RPAP3: variants seen among roughly 807,000 people sequenced by gnomAD.
The protein encoded by RPAP3 is RNA polymerase II associated protein 3, also known as RNA polymerase II-associated protein 3.
RPAP3 carries 58 observed loss-of-function variants against 88.8 expected under a neutral mutation model. The observed-to-expected ratio is 0.65, with a 90% CI of 0.53 to 0.81. The LOEUF (loss-of-function observed/expected upper bound fraction) is 0.81. RPAP3 is among the 40% of genes least tolerant of loss of function. RPAP3 has a pLI of 0.00. For synonymous variants in RPAP3, 255 were observed against 259.9 expected (o/e 0.98, Z 0.18); for missense variants, 751 against 764.3 (o/e 0.98, Z 0.20).
At chr12:47,691,810 G>C (rs1043858272) in intron 5 of RPAP3, among the ~76,000 whole-genome samples, 1 of 151,428 alleles carries the variant, frequency 6.6e-6, no homozygotes, top group East Asian at 1.9e-4. Context: ...GCAGTGGCAC[G>C]ATCTGGCTCA....
chr12:47,697,501 C>T (rs1228002320), intron 4 of RPAP3, 96 bp downstream of exon 4: 1 of 1,152,930 alleles, frequency 8.7e-7, no homozygotes, highest in Non-Finnish European at 1.2e-6. Flanking sequence ...AAAGTTTAAA[C>T]ACGTACTAAA....
At chr12:47,700,867 A>G (rs1939641175) in intron 3 of RPAP3, among the ~76,000 whole-genome samples, 2 of 152,222 alleles carry the variant, frequency 1.3e-5, no homozygotes, top group Non-Finnish European at 2.9e-5. Context: ...CAGGTCCTTC[A>G]GTTTATGACA....
chr12:47,702,302 T>C (rs963353395), intron 2 of RPAP3, among the ~76,000 whole-genome samples: 3 of 151,996 alleles, frequency 2.0e-5, no homozygotes, highest in African/African-American at 7.3e-5. Flanking sequence ...TCCCAGCACT[T>C]CGGGAGGCCG....
chr12:47,684,965 T>C (rs914091798), intron 9 of RPAP3, among the ~76,000 whole-genome samples: 3 of 152,200 alleles, frequency 2.0e-5, no homozygotes, highest in African/African-American at 7.2e-5. Context: ...GTCTGAGGGA[T>C]GTGGAAACTT....
intron 1 of RPAP3, 88 bp from the exon 2 acceptor site, chr12:47,702,934 TC>T: frequency 2.8e-6 from 3 of 1,057,250 alleles, no homozygotes; most frequent in Non-Finnish European, 4.0e-6. Flanking sequence ...TTTTACCACT[TC>T]ATAAGTGGCC....
At chr12:47,701,353 G>A (rs1939649607) in intron 3 of RPAP3, 111 bp downstream of exon 3, 2 of 666,132 alleles carry the variant, frequency 3.0e-6, no homozygotes, top group Non-Finnish European at 4.6e-6. Context: ...ATGAATAAGA[G>A]AAAAACACAG....
intron 12 of RPAP3, among the ~76,000 whole-genome samples, chr12:47,674,084 T>TAAAAA (rs34101861): frequency 2.4e-5 from 3 of 123,336 alleles, no homozygotes; most frequent in Non-Finnish European, 4.9e-5. Context: ...TTAAAGATTC[T>TAAAAA]AAAAAAAAAA....
chr12:47,704,465 T>G, intron 1 of RPAP3, among the ~76,000 whole-genome samples: 1 of 151,978 alleles, frequency 6.6e-6, no homozygotes, highest in South Asian at 2.1e-4. Context: ...ACCTCCTAGG[T>G]TCAAGTGATT....
At chr12:47,689,286 G>A in intron 6 of RPAP3, 91 bp from the exon 7 acceptor site, 1 of 583,204 alleles carries the variant, frequency 1.7e-6, no homozygotes, top group Non-Finnish European at 3.0e-6. Context: ...GTGACAATCA[G>A]GCAACTGTCC....
chr12:47,690,446 C>T (rs1939406567), intron 6 of RPAP3, 72 bp downstream of exon 6: 2 of 1,245,730 alleles, frequency 1.6e-6, no homozygotes, highest in Non-Finnish European at 2.1e-6. Context: ...ACTGTGATTA[C>T]TCAGTATTCT....
At chr12:47,687,728 G>T in intron 8 of RPAP3, 148 bp downstream of exon 8, 2 of 733,616 alleles carry the variant, frequency 2.7e-6, no homozygotes, top group South Asian at 3.7e-5. Context: ...TGAATTAGTA[G>T]GTCCCAGAGG....
At chr12:47,700,504 T>C (rs971332129) in intron 3 of RPAP3, among the ~76,000 whole-genome samples, 5 of 152,212 alleles carry the variant, frequency 3.3e-5, no homozygotes, top group African/African-American at 1.2e-4. Context: ...GAATATATAT[T>C]CCAAATTCAT....
intron 1 of RPAP3, among the ~76,000 whole-genome samples, chr12:47,704,369 GTT>G (rs990688133): frequency 1.3e-5 from 2 of 151,966 alleles, no homozygotes; most frequent in Non-Finnish European, 2.9e-5. Context: ...ACTATTCAGA[GTT>G]TTTGTTTTTT....
chr12:47,698,926 A>T (rs948228606), intron 3 of RPAP3, among the ~76,000 whole-genome samples: 2 of 152,248 alleles, frequency 1.3e-5, no homozygotes, highest in Non-Finnish European at 2.9e-5. Flanking sequence ...TTATAAAAAT[A>T]AAAAAATTAT....
chr12:47,697,061 A>T (rs969017536), intron 4 of RPAP3, among the ~76,000 whole-genome samples: 15 of 152,260 alleles, frequency 9.9e-5, no homozygotes, highest in African/African-American at 3.6e-4. Context: ...AAAAAAAAGC[A>T]TCAAGAGTTT....
chr12:47,687,706 T>C (rs1446845085), intron 8 of RPAP3, among the ~76,000 whole-genome samples, 170 bp downstream of exon 8: 1 of 152,150 alleles, frequency 6.6e-6, no homozygotes, highest in Non-Finnish European at 1.5e-5. Context: ...AAGTCATCAA[T>C]TACCCAAATT....
chr12:47,693,787 C>CA (rs1362414857), intron 5 of RPAP3, among the ~76,000 whole-genome samples: 6 of 152,094 alleles, frequency 3.9e-5, no homozygotes, highest in African/African-American at 9.7e-5. Flanking sequence ...AAAGAAAACT[C>CA]AAAACAATCT....
At chr12:47,668,788 G>T in intron 14 of RPAP3, 128 bp downstream of exon 14, 1 of 667,316 alleles carries the variant, frequency 1.5e-6, no homozygotes, top group Non-Finnish European at 2.6e-6. Flanking sequence ...TCTGACCAGG[G>T]TGATGTATTC....
intron 2 of RPAP3, 133 bp downstream of exon 2, chr12:47,702,555 A>G: frequency 1.2e-6 from 1 of 801,434 alleles, no homozygotes. Flanking sequence ...TCCATCACAA[A>G]AAAAAAGAAA....
Sources: gnomAD v4.1 joint callset for allele counts (sites outside exome capture counted in the v4.1 genomes callset) on GRCh38, gnomAD v4.1.1 for gene constraint, MANE v1.5 for transcripts, NCBI Gene and HGNC (gene_info 2026-07-23, HGNC 2026-07-21) for gene names.